WDFY2: variants seen among roughly 807,000 people sequenced by gnomAD.
The protein encoded by WDFY2 is WD repeat and FYVE domain containing 2, also known as WD repeat and FYVE domain-containing protein 2.
In WDFY2, 36 loss-of-function variants were observed where a neutral mutation model predicts 56.4. The observed-to-expected ratio is 0.64, with a 90% CI of 0.49 to 0.84. WDFY2 has a LOEUF of 0.84. WDFY2 is among the 40% of genes least tolerant of loss of function. The probability of loss-of-function intolerance (pLI) is 0.00; values close to 1 mark genes in which losing one functional copy is unlikely to be tolerated. For missense variants in WDFY2, 444 were observed against 512.2 expected (o/e 0.87, Z 1.29); for synonymous variants, 176 against 183.7 (o/e 0.96, Z 0.34).
intron 5 of WDFY2, among the ~76,000 whole-genome samples, 183 bp downstream of exon 5, chr13:51,719,531 T>C (rs994977627): frequency 2.6e-5 from 4 of 152,142 alleles, no homozygotes; most frequent in Non-Finnish European, 4.4e-5. Context: ...TAGAGTGAAG[T>C]GCGGTCACTT....
At chr13:51,724,553 A>G (rs1057457773) in intron 5 of WDFY2, among the ~76,000 whole-genome samples, 5 of 152,106 alleles carry the variant, frequency 3.3e-5, no homozygotes, top group African/African-American at 9.7e-5. Context: ...TTATTTTTTA[A>G]AGATTATTTT....
chr13:51,662,772 G>A (rs1263700147), intron 2 of WDFY2, among the ~76,000 whole-genome samples: 1 of 152,174 alleles, frequency 6.6e-6, no homozygotes, highest in Non-Finnish European at 1.5e-5. Context: ...TTCCCTGAGA[G>A]GATTACCATC....
chr13:51,758,621 C>A (rs1023805939), intron 11 of WDFY2, among the ~76,000 whole-genome samples: 2 of 150,360 alleles, frequency 1.3e-5, no homozygotes, highest in African/African-American at 4.9e-5. Flanking sequence ...AAACCTGATA[C>A]ATGCACAGCC....
In WDFY2 at chr13:51,661,771, C is replaced by T. The variant is rs138315537; in HGVS notation, c.205+1108C>T. Among the ~76,000 whole-genome samples, 37 of 152,190 alleles carry T rather than the reference C, an allele frequency of 2.4e-4. No homozygotes were observed. In the East Asian group the frequency reaches 5.8e-3, roughly 24 times the overall value. On this transcript the variant is annotated intron_variant, in intron 2 of 11. Transcript: ENST00000298125. ...TAACCAAGCTGAACAAAGTATTCAACGCTTTTTTTGGGAAGAAGAAACTTC... is the reference window on the plus strand; with the variant it reads ...TAACCAAGCTGAACAAAGTATTCAATGCTTTTTTTGGGAAGAAGAAACTTC...
intron 1 of WDFY2, among the ~76,000 whole-genome samples, chr13:51,629,606 C>T (rs1954911275): frequency 6.6e-6 from 1 of 152,086 alleles, no homozygotes; most frequent in Admixed American, 6.5e-5. Flanking sequence ...AGAGGATAAT[C>T]ATTAATAACA....
At chr13:51,736,845 G>T (rs375897964) in intron 6 of WDFY2, among the ~76,000 whole-genome samples, 2 of 152,166 alleles carry the variant, frequency 1.3e-5, no homozygotes, top group Non-Finnish European at 1.5e-5. Flanking sequence ...GAAGTCTAAA[G>T]GTATCTGTCA....
At chr13:51,732,741 T>C (rs1952751437) in intron 6 of WDFY2, among the ~76,000 whole-genome samples, 1 of 152,200 alleles carries the variant, frequency 6.6e-6, no homozygotes, top group Non-Finnish European at 1.5e-5. Flanking sequence ...ATCCAGTTTA[T>C]ATAAAGTGCA....
intron 7 of WDFY2, among the ~76,000 whole-genome samples, chr13:51,739,709 GC>G: frequency 6.6e-6 from 1 of 152,190 alleles, no homozygotes; most frequent in Non-Finnish European, 1.5e-5. Flanking sequence ...TACAGAGAAA[GC>G]CTTGCATTTC....
At chr13:51,648,007 T>A (rs569991991) in intron 1 of WDFY2, among the ~76,000 whole-genome samples, 3 of 152,306 alleles carry the variant, frequency 2.0e-5, no homozygotes, top group Admixed American at 2.0e-4. Flanking sequence ...GAGCATATGA[T>A]TCCCTGCTTA....
chr13:51,702,813 G>A (rs1281638112), intron 3 of WDFY2, among the ~76,000 whole-genome samples: 2 of 152,094 alleles, frequency 1.3e-5, no homozygotes, highest in Non-Finnish European at 2.9e-5. Context: ...CTTTCCTTAT[G>A]TTTTATAATA....
chr13:51,602,668 A>T (rs1163908905), intron 1 of WDFY2, among the ~76,000 whole-genome samples: 1 of 152,232 alleles, frequency 6.6e-6, no homozygotes, highest in Non-Finnish European at 1.5e-5. Context: ...ACCTAGCTGC[A>T]AGGAAGGATG....
chr13:51,709,415 G>C (rs1234282985), intron 4 of WDFY2, among the ~76,000 whole-genome samples: 2 of 152,168 alleles, frequency 1.3e-5, no homozygotes, highest in Non-Finnish European at 2.9e-5. Context: ...TGCTTCCGGA[G>C]GTGGGAGGAT....
At chr13:51,639,711 T>A (rs1042946995) in intron 1 of WDFY2, among the ~76,000 whole-genome samples, 5 of 152,202 alleles carry the variant, frequency 3.3e-5, no homozygotes, top group Non-Finnish European at 4.4e-5. Context: ...ATGTAGATTA[T>A]GTAATGTGGA....
At chr13:51,652,032 G>A (rs557700256) in intron 1 of WDFY2, among the ~76,000 whole-genome samples, 1 of 152,200 alleles carries the variant, frequency 6.6e-6, no homozygotes, top group South Asian at 2.1e-4. Flanking sequence ...TTATTGTGTG[G>A]GAGTCTACAT....
In WDFY2 at chr13:51,756,235, G is replaced by A. The variant is rs112324022; in HGVS notation, c.934-97G>A. The stretch of plus-strand genomic sequence containing the variant: ...TCTTGTTCAGCATCCTCACCTGGAT[G>A]CAGTTGATTACACCTCTCTGCCAGG... On this transcript the variant is annotated intron_variant, in intron 9 of 11. Transcript: ENST00000298125. The A allele has an allele frequency of 6.7e-6, 10 of 1,499,742 alleles. No individual in the cohort carries two copies. The African/African-American group carries it at 8.4e-5, about 13-fold the overall frequency. 92.9% of individuals were successfully genotyped at this position (1,499,742 alleles called of 1,614,324 possible).
intron 1 of WDFY2, among the ~76,000 whole-genome samples, chr13:51,631,181 C>T (rs1954945503): frequency 1.3e-5 from 2 of 151,184 alleles, no homozygotes; most frequent in South Asian, 2.1e-4. Context: ...CACTTGAGCC[C>T]AGGAGTTCAA....
intron 1 of WDFY2, among the ~76,000 whole-genome samples, chr13:51,605,775 A>T (rs1593867838): frequency 6.6e-6 from 1 of 152,226 alleles, no homozygotes; most frequent in African/African-American, 2.4e-5. Context: ...TATTTGGTGC[A>T]TCTGAGAGAG....
chr13:51,729,677 A>T (rs1003685144), intron 6 of WDFY2, among the ~76,000 whole-genome samples: 25 of 152,160 alleles, frequency 1.6e-4, no homozygotes, highest in African/African-American at 6.0e-4. Flanking sequence ...TCTTTTGACT[A>T]ACTCATTCTT....
chr13:51,692,193 C>T (rs2138548333), intron 3 of WDFY2, among the ~76,000 whole-genome samples: 1 of 152,312 alleles, frequency 6.6e-6, no homozygotes, highest in South Asian at 2.1e-4. Flanking sequence ...ATTTCCTTCT[C>T]TTGCCTAATT....
Sources: allele counts gnomAD v4.1 joint callset (sites outside exome capture counted in the v4.1 genomes callset), GRCh38; gene constraint gnomAD v4.1.1; transcripts MANE v1.5; gene names NCBI Gene and HGNC (gene_info 2026-07-23, HGNC 2026-07-21).